Variants in ALB observed in about 807,000 individuals in gnomAD.
The protein encoded by ALB is albumin.
In ALB, 37 loss-of-function variants were observed where a neutral mutation model predicts 74.5. That is an observed-to-expected ratio of 0.50 (90% CI 0.38 to 0.65). The LOEUF (loss-of-function observed/expected upper bound fraction) is 0.65. Ranked by LOEUF, ALB falls within the 30% of genes least tolerant of loss-of-function variation. ALB has a pLI of 0.00. For synonymous variants in ALB, 249 were observed against 251.6 expected (o/e 0.99, Z 0.10); for missense variants, 685 against 718.7 (o/e 0.95, Z 0.54).
intron 2 of ALB, among the ~76,000 whole-genome samples, chr4:73,405,781 G>A (rs972048314): frequency 6.6e-6 from 1 of 151,928 alleles, no homozygotes; most frequent in Non-Finnish European, 1.5e-5. Flanking sequence ...TAGTAGAGAT[G>A]GGGTTTCACC....
chr4:73,410,492 T>TTTGACAGCAC, intron 6 of ALB, 83 bp downstream of exon 6: 1 of 1,061,424 alleles, frequency 9.4e-7, no homozygotes, highest in Non-Finnish European at 1.5e-6. Flanking sequence ...TTTTTATGTA[T>TTTGACAGCAC]TTTGCAAAGT....
intron 2 of ALB, 44 bp downstream of exon 2, chr4:73,405,217 T>G: frequency 6.8e-7 from 1 of 1,479,520 alleles, no homozygotes; most frequent in Non-Finnish European, 9.5e-7. Flanking sequence ...TTTCTAATAG[T>G]GTTGTTTATT....
chr4:73,409,187 C>A, intron 4 of ALB, 168 bp from the exon 5 acceptor site: 2 of 735,928 alleles, frequency 2.7e-6, no homozygotes, highest in East Asian at 2.7e-5. Context: ...CCCTTTTTTC[C>A]ACATACTTAA....
intron 3 of ALB, among the ~76,000 whole-genome samples, chr4:73,408,149 C>T (rs181491186): frequency 6.6e-6 from 1 of 152,106 alleles, no homozygotes; most frequent in Non-Finnish European, 1.5e-5. Context: ...TGTGTTACTC[C>T]TCAGTTTTCA....
At position 73,418,073 on chromosome 4, in the gene ALB, C is replaced by G. The variant is rs1242575952; in HGVS notation, c.1429-15C>G. ...TCACCTCTTTTGAATTTCTGCTCTC[C>G]TGCCTGTTCTTTAGCTATCCGTGGT... On this transcript the variant is annotated splice_polypyrimidine_tract_variant and intron_variant, in intron 11 of 14. Transcript: ENST00000295897. 6.2e-7 allele frequency: 1 copy of G among 1,612,714 alleles called. No individual in the cohort carries two copies. The highest frequency in any genetic ancestry group is 8.5e-7 in the Non-Finnish European group (1 of 1,178,946).
At chr4:73,417,209 T>C (rs1294026265) in intron 10 of ALB, among the ~76,000 whole-genome samples, 1 of 152,228 alleles carries the variant, frequency 6.6e-6, no homozygotes, top group Non-Finnish European at 1.5e-5. Context: ...ATCTTTCAAG[T>C]TTAGCATATG....
At chr4:73,416,908 G>T (rs188371006) in intron 10 of ALB, among the ~76,000 whole-genome samples, 8 of 152,206 alleles carry the variant, frequency 5.3e-5, no homozygotes, top group East Asian at 3.9e-4. Flanking sequence ...ATCTATGAAG[G>T]TTAAAAACAA....
In ALB at chr4:73,408,855, C is replaced by A. The variant is rs185909885; in HGVS notation, c.482+50C>A. 1.6e-4 allele frequency: 229 copies of A among 1,466,434 alleles called. 1 individual carries two copies. The East Asian group carries it at 4.1e-3, about 26-fold the overall frequency. The allele number at this position is 1,466,434 out of a possible 1,614,324, so 90.8% of individuals were successfully genotyped here. On this transcript the variant is annotated intron_variant, in intron 4 of 14. Coordinates refer to ENST00000295897, the MANE Select transcript of ALB (RefSeq NM_000477.7). ...CAAAATTAAAAAGCATGGAGTAACT[C>A]CATAGGCCAACACTCTATAAAAATT...
chr4:73,408,998 T>A, intron 4 of ALB, 193 bp downstream of exon 4: 1 of 610,344 alleles, frequency 1.6e-6, no homozygotes, highest in Non-Finnish European at 2.8e-6. Flanking sequence ...TCAAAGATAT[T>A]TTGAAGTTTA....
chr4:73,405,359 C>G (rs1560853595), intron 2 of ALB, among the ~76,000 whole-genome samples, 186 bp downstream of exon 2: 1 of 152,124 alleles, frequency 6.6e-6, no homozygotes, highest in African/African-American at 2.4e-5. Context: ...GGTCACATGG[C>G]TATTGAGTAC....
intron 5 of ALB, among the ~76,000 whole-genome samples, 162 bp from the exon 6 acceptor site, chr4:73,410,150 T>C (rs1718835154): frequency 1.3e-5 from 2 of 152,260 alleles, no homozygotes; most frequent in East Asian, 1.9e-4. Context: ...TCTTTCCTTT[T>C]CTTAGAGAGC....
Position 73,420,322 on chromosome 4 carries a change from GT to G in ALB, c.*23+2del. 1 of 1,594,548 alleles carries G rather than the reference GT, an allele frequency of 6.3e-7. No homozygotes were observed. The highest frequency in any genetic ancestry group is 1.1e-5 in the South Asian group (1 of 89,654). ...AACATCACATTTAAAAGCATCTCAG[GT>G]AACTATATTTTGAATTTTTTAAAAA... is the stretch of plus-strand genomic sequence containing the variant. On this transcript the variant is annotated splice_donor_variant, in intron 14 of 14. Transcript: ENST00000295897. LOFTEE classifies it low-confidence loss of function (3UTR_SPLICE).
chr4:73,420,263 C>T lies in ALB; in HGVS notation c.1795C>T (p.Leu599Phe). Residue 599 changes from leucine (L) to phenylalanine (F), a missense_variant, in exon 14 of 15, where the codon CTT becomes TTT. Physicochemically the swap from Leu to Phe is conservative, Grantham distance 22. Coordinates refer to ENST00000295897, the MANE Select transcript of ALB (RefSeq NM_000477.7). ...ATGTCTTTGTGTTCAGGGTAAAAAA[C>T]TTGTTGCTGCAAGTCAAGCTGCCTT... Reference protein sequence around the residue: ...ETCFAEEGKKLVAASQAALGL With the variant: ...ETCFAEEGKKFVAASQAALGL 2.5e-6 allele frequency: 4 copies of T among 1,612,880 alleles called. No individual in the cohort carries two copies. Among genetic ancestry groups the T allele is most frequent in the Non-Finnish European group, 3.4e-6 (4 of 1,179,190 alleles).
chr4:73,417,719 T>G (rs748504112), intron 11 of ALB, 50 bp downstream of exon 11: 15 of 1,438,748 alleles, frequency 1.0e-5, no homozygotes, highest in Middle Eastern at 2.1e-4. Flanking sequence ...AATTTTACCT[T>G]TAGATATTGA....
At position 73,417,795 on chromosome 4, in the gene ALB, G is replaced by A. The variant is rs542224190; in HGVS notation, c.1428+126G>A. 8 of 887,488 alleles carry A rather than the reference G, an allele frequency of 9.0e-6. No homozygotes were observed. The African/African-American group carries it at 1.2e-4, about 13-fold the overall frequency. The allele number at this position is 887,488 out of a possible 1,614,324, so 55.0% of individuals were successfully genotyped here. A position where few individuals can be genotyped will look rare whatever the true frequency, so the allele number is the denominator to read the frequency against. ...TGTGCATGTTTGTGTGCATGTGTGTGTGCATGCACGTGTGTGTATGTGTGA... is the reference window on the plus strand; with the variant it reads ...TGTGCATGTTTGTGTGCATGTGTGTATGCATGCACGTGTGTGTATGTGTGA... On this transcript the variant is annotated intron_variant, in intron 11 of 14. Transcript: ENST00000295897.
At chr4:73,405,679 C>T (rs1356447227) in intron 2 of ALB, among the ~76,000 whole-genome samples, 4 of 152,006 alleles carry the variant, frequency 2.6e-5, no homozygotes, top group African/African-American at 9.7e-5. Flanking sequence ...CAAACTCCGC[C>T]TCCCGGGTTC....
At chr4:73,418,413 A>G (rs754044030) in intron 12 of ALB, 102 bp downstream of exon 12, 19 of 1,053,062 alleles carry the variant, frequency 1.8e-5, no homozygotes, top group Middle Eastern at 2.4e-4. Context: ...TATTTCTTAG[A>G]GGAAAGTATT....
In ALB at chr4:73,411,983, A is replaced by T; in HGVS notation, c.714-13A>T. 1.9e-6 allele frequency: 3 copies of T among 1,613,932 alleles called. No homozygotes were observed. Among genetic ancestry groups the T allele is most frequent in the Non-Finnish European group, 2.5e-6 (3 of 1,179,956 alleles). ...CATGATAATACCATTTTGATTGGCG[A>T]TTTTCTTTTTAGGGCAGTAGCTCGC... is the stretch of plus-strand genomic sequence containing the variant. On this transcript the variant is annotated splice_polypyrimidine_tract_variant and intron_variant, in intron 6 of 14. Transcript: ENST00000295897.
intron 10 of ALB, 28 bp downstream of exon 10, chr4:73,416,381 T>C (rs1185796959): frequency 1.2e-5 from 19 of 1,547,578 alleles, no homozygotes; most frequent in Non-Finnish European, 1.7e-5. Context: ...ACTGATTTTT[T>C]TTATCAATTT....
Sources: allele counts gnomAD v4.1 joint callset (sites outside exome capture counted in the v4.1 genomes callset), GRCh38; gene constraint gnomAD v4.1.1; transcripts MANE v1.5; gene names NCBI Gene and HGNC (gene_info 2026-07-23, HGNC 2026-07-21).